Variants in FLRT2 observed in about 807,000 individuals in gnomAD.
The protein encoded by FLRT2 is fibronectin leucine rich transmembrane protein 2.
Under a neutral mutation model 40.0 loss-of-function variants are expected in FLRT2, and 15 were observed. The ratio of observed to expected loss-of-function variants is 0.38; its 90% CI spans 0.25 to 0.58. The LOEUF is 0.58. Among genes scored for constraint, FLRT2 ranks in the 20% least tolerant of loss-of-function variants. FLRT2 has a pLI of 0.71. For synonymous variants in FLRT2, 380 were observed against 336.8 expected (o/e 1.13, Z -1.41); for missense variants, 726 against 840.0 (o/e 0.86, Z 1.68).
At chr14:85,562,987 A>G (rs1890439756) in intron 1 of FLRT2, 1 of 152,128 alleles carries the variant, frequency 6.6e-6, no homozygotes, top group South Asian at 2.1e-4. Flanking sequence ...TTCTTGTTCT[A>G]CTTATCTAGC....
chr14:85,563,670 A>G (rs1595029366), intron 1 of FLRT2, among the ~76,000 whole-genome samples: 1 of 152,178 alleles, frequency 6.6e-6, no homozygotes, highest in South Asian at 2.1e-4. Flanking sequence ...ACCTCCTTCC[A>G]GGCCCCTTCT....
At position 85,635,945 on chromosome 14, in the gene FLRT2, T is replaced by C. The variant is rs1893988811; in HGVS notation, c.*12448T>C. ...CATTGCTTTATTAAAGATGTTTATA[T>C]AATTTTTATATAATACACACTTCCA... is the stretch of plus-strand genomic sequence containing the variant. On this transcript the variant is annotated 3_prime_UTR_variant, in exon 2 of 2. Coordinates refer to ENST00000330753, the MANE Select transcript of FLRT2 (RefSeq NM_013231.6). 1 of 152,142 alleles carries C rather than the reference T, an allele frequency of 6.6e-6. No homozygotes were observed. Among genetic ancestry groups the C allele is most frequent in the African/African-American group, 2.4e-5 (1 of 41,444 alleles). 9.4% of individuals were successfully genotyped at this position (152,142 alleles called of 1,614,324 possible). A position where few individuals can be genotyped will look rare whatever the true frequency, so the allele number is the denominator to read the frequency against.
intron 1 of FLRT2, among the ~76,000 whole-genome samples, chr14:85,561,739 T>C (rs1890334527): frequency 6.6e-6 from 1 of 152,234 alleles, no homozygotes; most frequent in Admixed American, 6.5e-5. Context: ...TAAAATAGAA[T>C]CGTACCAGAA....
At chr14:85,615,386 C>A (rs1194266140) in intron 1 of FLRT2, among the ~76,000 whole-genome samples, 2 of 152,192 alleles carry the variant, frequency 1.3e-5, no homozygotes, top group African/African-American at 4.8e-5. Context: ...CATAGCTTTT[C>A]CTTTTTGGTC....
At chr14:85,607,454 A>G (rs1416041911) in intron 1 of FLRT2, among the ~76,000 whole-genome samples, 1 of 152,206 alleles carries the variant, frequency 6.6e-6, no homozygotes, top group Non-Finnish European at 1.5e-5. Context: ...TTGAAGATTC[A>G]AAGTCATTAT....
rs150518034 is a variant in FLRT2 at position 85,556,278 on chromosome 14, G to T, written c.-377+25744G>T. 1.5e-3 allele frequency among the ~76,000 whole-genome samples: 227 copies of T among 152,294 alleles called. 3 individuals are homozygous for T. Among genetic ancestry groups the T allele is most frequent in the African/African-American group, 5.2e-3 (217 of 41,556 alleles). On this transcript the variant is annotated intron_variant, in intron 1 of 1. Transcript: ENST00000330753. ...GCATGGCACAGTAATTTCATTGGTA[G>T]GAGATTTCTTTTAGATTTTTAGCTT...
chr14:85,566,907 T>C (rs942215275), intron 1 of FLRT2, among the ~76,000 whole-genome samples: 2 of 152,042 alleles, frequency 1.3e-5, no homozygotes, highest in Non-Finnish European at 2.9e-5. Flanking sequence ...AGATGAAGAG[T>C]AATACAGCAC....
At position 85,622,841 on chromosome 14, in the gene FLRT2, T is replaced by C. The variant is rs774510689; in HGVS notation, c.1327T>C (p.Ser443Pro). Residue 443 changes from serine to proline, a missense_variant, in exon 2 of 2, where the codon TCT becomes CCT. Around this residue, in one of 3 missense-constraint regions of FLRT2, gnomAD observed 611 missense variants for 690.0 expected, o/e 0.89. Coordinates refer to ENST00000330753, the MANE Select transcript of FLRT2 (RefSeq NM_013231.6). Reference protein sequence around the residue: ...NDTSIQVSWLSLFTVMAYKLT... With the variant: ...NDTSIQVSWLPLFTVMAYKLT... ...TACTTCCATTCAAGTCAGCTGGCTCTCTCTCTTCACCGTGATGGCATACAA... is the reference window on the plus strand; with the variant it reads ...TACTTCCATTCAAGTCAGCTGGCTCCCTCTCTTCACCGTGATGGCATACAA... 5 of 1,614,134 alleles carry C rather than the reference T, an allele frequency of 3.1e-6. No homozygotes were observed. The highest frequency in any genetic ancestry group is 4.2e-6 in the Non-Finnish European group (5 of 1,180,026).
chr14:85,540,812 A>G (rs1256255343), intron 1 of FLRT2, among the ~76,000 whole-genome samples: 2 of 152,150 alleles, frequency 1.3e-5, no homozygotes, highest in African/African-American at 2.4e-5. Context: ...TTACTTGCAT[A>G]GTTCGGCAAA....
chr14:85,530,576 G>C (rs1888209120), intron 1 of FLRT2, 42 bp downstream of exon 1: 1 of 152,796 alleles, frequency 6.5e-6, no homozygotes, highest in African/African-American at 2.4e-5. Context: ...CCAGTAACCG[G>C]CCGAGCTGCT....
rs1042268020 is a variant in FLRT2 at position 85,654,418 on chromosome 14, A to G, written c.*30921A>G. The G allele has an allele frequency of 3.3e-5, 5 of 152,218 alleles. No individual in the cohort carries two copies. Among genetic ancestry groups the G allele is most frequent in the Non-Finnish European group, 7.3e-5 (5 of 68,036 alleles). 9.4% of individuals were successfully genotyped at this position (152,218 alleles called of 1,614,324 possible). On this transcript the variant is annotated 3_prime_UTR_variant, in exon 2 of 2. Coordinates refer to ENST00000330753, the MANE Select transcript of FLRT2 (RefSeq NM_013231.6). ...CTCTTAATAAAAAATGGTATAATACATTTAAGCAGATTTGCATCCTACTTG... is the reference window on the plus strand; with the variant it reads ...CTCTTAATAAAAAATGGTATAATACGTTTAAGCAGATTTGCATCCTACTTG...
At chr14:85,585,867 T>G (rs1043611328) in intron 1 of FLRT2, among the ~76,000 whole-genome samples, 1 of 151,848 alleles carries the variant, frequency 6.6e-6, no homozygotes, top group African/African-American at 2.4e-5. Context: ...GTTCTTGATG[T>G]TCTGCGGGAG....
intron 1 of FLRT2, among the ~76,000 whole-genome samples, chr14:85,581,359 T>C (rs908401133): frequency 6.6e-6 from 1 of 152,220 alleles, no homozygotes; most frequent in African/African-American, 2.4e-5. Flanking sequence ...CATAACAGGA[T>C]ACCACTTACC....
intron 1 of FLRT2, among the ~76,000 whole-genome samples, chr14:85,593,119 C>T (rs1485894996): frequency 1.3e-5 from 2 of 152,090 alleles, no homozygotes; most frequent in Non-Finnish European, 2.9e-5. Flanking sequence ...TAATTGCCAC[C>T]AGGTTATACT....
chr14:85,567,325 G>C (rs1460164575), intron 1 of FLRT2, among the ~76,000 whole-genome samples: 2 of 152,026 alleles, frequency 1.3e-5, no homozygotes, highest in Non-Finnish European at 2.9e-5. Context: ...AGCTTCCTTC[G>C]GCATCTTCCT....
At chr14:85,600,171 A>G (rs1038382700) in intron 1 of FLRT2, among the ~76,000 whole-genome samples, 1 of 152,210 alleles carries the variant, frequency 6.6e-6, no homozygotes, top group African/African-American at 2.4e-5. Flanking sequence ...AAGTAGTAGG[A>G]GGCAGCATAG....
intron 1 of FLRT2, among the ~76,000 whole-genome samples, chr14:85,605,712 G>A (rs2747000): frequency 0.82 from 125,407 of 152,108 alleles, 51,737 homozygotes; most frequent in East Asian, 0.88. Context: ...CAGTGAGCCA[G>A]GATCACACCA....
intron 1 of FLRT2, among the ~76,000 whole-genome samples, chr14:85,608,746 A>G (rs1892735717): frequency 6.6e-6 from 1 of 152,066 alleles, no homozygotes; most frequent in South Asian, 2.1e-4. Context: ...AGTATGCACG[A>G]CCCTTCTCTT....
rs1893651934 is a variant in FLRT2, at chr14:85,625,718, T to G, written c.*2221T>G. 6.0e-6 allele frequency: 1 copy of G among 167,108 alleles called. No homozygotes were observed. Among genetic ancestry groups the G allele is most frequent in the Non-Finnish European group, 1.5e-5 (1 of 68,156 alleles). 10.4% of individuals were successfully genotyped at this position (167,108 alleles called of 1,614,324 possible). On this transcript the variant is annotated 3_prime_UTR_variant, in exon 2 of 2. Coordinates refer to ENST00000330753, the MANE Select transcript of FLRT2 (RefSeq NM_013231.6). ...TCAAGACAATGACATGGGGGCTTTG[T>G]GTACTTAGCTGGATAATTCCCTTCT...
Sources: allele counts gnomAD v4.1 joint callset (sites outside exome capture counted in the v4.1 genomes callset), GRCh38; gene constraint gnomAD v4.1.1; regional missense constraint gnomAD v4.1.1; transcripts MANE v1.5; gene names NCBI Gene and HGNC (gene_info 2026-07-23, HGNC 2026-07-21).